Variants in PCF11 observed in about 807,000 individuals in gnomAD.
PCF11 encodes the protein pre-mRNA cleavage complex 2 protein Pcf11.
Under a neutral mutation model 166.1 loss-of-function variants are expected in PCF11, and 19 were observed. That is an observed-to-expected ratio of 0.11 (90% CI 0.08 to 0.17). PCF11 has a LOEUF of 0.17. PCF11 is among the 10% of genes least tolerant of loss of function. PCF11 has a pLI of 1.00. For missense variants in PCF11, 1,565 were observed against 1,855.5 expected, an observed-to-expected ratio of 0.84 and a Z score of 2.88; for synonymous variants, 663 against 644.1, an observed-to-expected ratio of 1.03 and a Z score of -0.44.
chr11:83,166,968 T>C (rs1860486285), intron 5 of PCF11, among the ~76,000 whole-genome samples, 157 bp from the exon 6 acceptor site: 1 of 152,230 alleles, frequency 6.6e-6, no homozygotes, highest in Non-Finnish European at 1.5e-5. Flanking sequence ...CTGTTTTTGC[T>C]GATTTCATAT....
intron 1 of PCF11, among the ~76,000 whole-genome samples, chr11:83,160,346 CT>C (rs373734812): frequency 1.7e-4 from 13 of 78,726 alleles, no homozygotes; most frequent in African/African-American, 2.5e-4. Context: ...TTTTTTTTGT[CT>C]TTTTTTTTTA....
chr11:83,177,894 T>C (rs1860942128), intron 11 of PCF11, 75 bp downstream of exon 11: 2 of 570,686 alleles, frequency 3.5e-6, no homozygotes, highest in South Asian at 6.5e-5. Context: ...ATTGTTACTA[T>C]TAGTGCTTTC....
chr11:83,157,407 C>T (rs1465852214), exon 1 of PCF11: 3 of 1,593,288 alleles, frequency 1.9e-6, no homozygotes, highest in East Asian at 2.2e-5. Context: ...TCAGCTTCAG[C>T]TGCAGCGGAC....
exon 5 of PCF11, chr11:83,166,345 G>A (rs754660638): frequency 4.3e-6 from 7 of 1,613,858 alleles, no homozygotes; most frequent in Non-Finnish European, 4.2e-6. Context: ...TCAAGATCTC[G>A]ATCACCCAAG....
At chr11:83,174,630 C>T (rs1254160772) in intron 9 of PCF11, among the ~76,000 whole-genome samples, 2 of 151,956 alleles carry the variant, frequency 1.3e-5, no homozygotes, top group East Asian at 3.9e-4. Flanking sequence ...TTCATTTAAC[C>T]TCATATCAAT....
intron 15 of PCF11, 32 bp from the exon 16 acceptor site, chr11:83,184,647 C>G (rs1319258059): frequency 2.1e-6 from 3 of 1,456,234 alleles, no homozygotes; most frequent in African/African-American, 1.4e-5. Context: ...TTTGAACTTT[C>G]ATCAGTACTC....
rs752143150 is a variant in PCF11 at position 83,163,826 on chromosome 11, A to T, written c.466A>T (p.Thr156Ser). 6 of 1,575,408 alleles carry T rather than the reference A, an allele frequency of 3.8e-6. No homozygotes were observed. The African/African-American group carries it at 6.8e-5, about 18-fold the overall frequency. ...TAAACCTCTACCCCCCAATGTGAAT[A>T]CGTCTAGCATCCATGTGAATCCTAA... is the stretch of plus-strand genomic sequence containing the variant. The change falls in exon 3 of 16, where the codon ACG becomes TCG. Residue 156 changes from threonine (T) to serine (S), a missense_variant. Around this residue, in one of 12 missense-constraint regions of PCF11, gnomAD observed 71 missense variants for 62.9 expected, o/e 1.13. Coordinates refer to ENST00000298281, the Ensembl canonical transcript of PCF11.
At chr11:83,160,987 T>C (rs1860227639) in intron 1 of PCF11, among the ~76,000 whole-genome samples, 1 of 152,204 alleles carries the variant, frequency 6.6e-6, no homozygotes, top group Non-Finnish European at 1.5e-5. Context: ...AAACTGACAC[T>C]TGGATTATAT....
intron 14 of PCF11, among the ~76,000 whole-genome samples, chr11:83,182,779 G>T (rs928040556): frequency 6.6e-6 from 1 of 152,150 alleles, no homozygotes; most frequent in Admixed American, 6.5e-5. Flanking sequence ...TATTTTGATT[G>T]TGGATTTATA....
intron 15 of PCF11, among the ~76,000 whole-genome samples, chr11:83,183,749 C>G (rs892434489): frequency 2.0e-5 from 3 of 151,962 alleles, no homozygotes; most frequent in Non-Finnish European, 4.4e-5. Flanking sequence ...CTTGGCCTCC[C>G]AAAGTGCTAG....
chr11:83,181,581 C>CA (rs1861089423), intron 12 of PCF11, among the ~76,000 whole-genome samples: 1 of 149,338 alleles, frequency 6.7e-6, no homozygotes, highest in Non-Finnish European at 1.5e-5. Context: ...CTAAAATTCC[C>CA]AGGCTCTAGG....
At chr11:83,176,048 T>C (rs191971716) in intron 9 of PCF11, among the ~76,000 whole-genome samples, 3 of 152,260 alleles carry the variant, frequency 2.0e-5, no homozygotes, top group Non-Finnish European at 2.9e-5. Flanking sequence ...TCAGGGAGCA[T>C]TGAGGTCAGG....
exon 3 of PCF11, chr11:83,163,837 C>A (rs746253879): frequency 1.3e-6 from 2 of 1,538,320 alleles, no homozygotes; most frequent in Admixed American, 2.3e-5. Context: ...CGTCTAGCAT[C>A]CATGTGAATC....
exon 8 of PCF11, chr11:83,169,377 A>G (rs563060332): frequency 6.2e-7 from 1 of 1,613,840 alleles, no homozygotes; most frequent in Admixed American, 1.7e-5. Flanking sequence ...CTTCTGTACC[A>G]GGAGGTGGCC....
At chr11:83,181,032 A>T (rs369574667) in exon 12 of PCF11, 83 of 1,578,186 alleles carry the variant, frequency 5.3e-5, no homozygotes, top group Non-Finnish European at 7.0e-5. Flanking sequence ...TTATAAATCG[A>T]CTGTACACTG....
intron 15 of PCF11, chr11:83,184,151 CA>C (rs34996416): frequency 0.26 from 19,946 of 77,442 alleles, 1,018 homozygotes; most frequent in East Asian, 0.48. Context: ...AGCTCTGTCT[CA>C]AAAAAAAAAA....
At chr11:83,163,220 A>G (rs771032717) in intron 2 of PCF11, among the ~76,000 whole-genome samples, 20 of 152,254 alleles carry the variant, frequency 1.3e-4, no homozygotes, top group Non-Finnish European at 2.9e-4. Context: ...GTACCCAACC[A>G]TATAGTATTG....
At chr11:83,159,531 TTG>T (rs534516634) in intron 1 of PCF11, among the ~76,000 whole-genome samples, 199 of 152,268 alleles carry the variant, frequency 1.3e-3, no homozygotes, top group Admixed American at 2.3e-3. Context: ...CACATAAAAC[TTG>T]TGTTTGTATA....
At position 83,167,720 on chromosome 11, in the gene PCF11, A is replaced by G. The variant is rs766594244; in HGVS notation, c.2092+215A>G. Reference sequence around the variant, plus strand: ...CTGATGCCTTGTTGTCTGGAATAGAATGTGAGCCATCCAAAAGTAAACATG... The same window carrying G: ...CTGATGCCTTGTTGTCTGGAATAGAGTGTGAGCCATCCAAAAGTAAACATG... On this transcript the variant is annotated intron_variant, in intron 7 of 15. Transcript: ENST00000298281. The surrounding 1 kb of genome is among the most constrained non-coding windows in gnomAD (Gnocchi z 4.2). 1.3e-6 allele frequency: 2 copies of G among 1,487,470 alleles called. No individual in the cohort carries two copies. The highest frequency in any genetic ancestry group is 1.2e-5 in the South Asian group (1 of 82,772). The allele number at this position is 1,487,470 out of a possible 1,614,324, so 92.1% of individuals were successfully genotyped here.
Sources: allele counts gnomAD v4.1 joint callset (sites outside exome capture counted in the v4.1 genomes callset), GRCh38; gene constraint gnomAD v4.1.1; regional missense constraint gnomAD v4.1.1; non-coding constraint Gnocchi (gnomAD v3.1); transcripts MANE v1.5; gene names NCBI Gene and HGNC (gene_info 2026-07-23, HGNC 2026-07-21).